RALGDS: variants seen among roughly 807,000 people sequenced by gnomAD.
RALGDS encodes ral guanine nucleotide dissociation stimulator.
Under a neutral mutation model 99.8 loss-of-function variants are expected in RALGDS, and 44 were observed. The ratio of observed to expected loss-of-function variants is 0.44; its 90% CI spans 0.35 to 0.57. The LOEUF (loss-of-function observed/expected upper bound fraction) is 0.57, where lower values mean the gene tolerates loss of function less well. RALGDS is among the 20% of genes least tolerant of loss of function. The probability of loss-of-function intolerance (pLI) is 0.01; values close to 1 mark genes in which losing one functional copy is unlikely to be tolerated. For synonymous variants in RALGDS, 529 were observed against 505.0 expected (o/e 1.05, Z -0.64); for missense variants, 1,022 against 1,203.1 (o/e 0.85, Z 2.23).
rs1412163542 is a variant in RALGDS at position 133,102,393 on chromosome 9, C to T, written c.2009+83G>A. The T allele has an allele frequency of 6.1e-6, 9 of 1,463,766 alleles. No individual in the cohort carries two copies. In the East Asian group the frequency reaches 2.0e-4, roughly 33 times the overall value. The allele number at this position is 1,463,766 out of a possible 1,614,324, so 90.7% of individuals were successfully genotyped here. On this transcript the variant is annotated intron_variant, in intron 14 of 17. Coordinates refer to ENST00000372050, the MANE Select transcript of RALGDS (RefSeq NM_006266.4). ...AGGGTAGGATTCCAGGGCCAGCCTC[C>T]CTGACTCCCTGAGCCCAGGCTCAGC...
intron 9 of RALGDS, among the ~76,000 whole-genome samples, chr9:133,105,453 G>C (rs918846809): frequency 1.3e-5 from 2 of 152,144 alleles, no homozygotes; most frequent in Admixed American, 6.5e-5. Context: ...TCCCAGGTCT[G>C]GCCACCTGGC....
At chr9:133,132,573 G>C (rs1832354888), upstream of RALGDS, among the ~76,000 whole-genome samples, 2 of 152,176 alleles carry the variant, frequency 1.3e-5, no homozygotes, top group Admixed American at 6.5e-5. Context: ...GTTTCCTACA[G>C]TGTGCGCATG....
rs1439921926 is a variant in RALGDS at position 133,098,473 on chromosome 9, C to G, written c.*114G>C. On this transcript the variant is annotated 3_prime_UTR_variant, in exon 18 of 18. Transcript: ENST00000372050. ...GCAGCGGGAGAGGTTCAGGATGAAACTGGAGTCTGGGGTACCCTGGGCTGG... is the reference window on the plus strand; with the variant it reads ...GCAGCGGGAGAGGTTCAGGATGAAAGTGGAGTCTGGGGTACCCTGGGCTGG... 8.9e-7 allele frequency: 1 copy of G among 1,126,344 alleles called. No homozygotes were observed. The highest frequency in any genetic ancestry group is 1.3e-6 in the Non-Finnish European group (1 of 765,966). 69.8% of individuals were successfully genotyped at this position (1,126,344 alleles called of 1,614,324 possible).
intron 1 of RALGDS, among the ~76,000 whole-genome samples, chr9:133,113,044 G>C (rs1326806915): frequency 6.6e-6 from 1 of 152,204 alleles, no homozygotes; most frequent in Non-Finnish European, 1.5e-5. Flanking sequence ...TGGCAGGCTG[G>C]CCTAGGTCAC....
upstream of RALGDS, among the ~76,000 whole-genome samples, chr9:133,134,065 G>C (rs2519198): frequency 0.31 from 46,781 of 152,096 alleles, 7,840 homozygotes; most frequent in East Asian, 0.54. Context: ...GTGTCCAGCT[G>C]GGGGGACACT....
chr9:133,145,287 A>G (rs1341916260), intron 1 of RALGDS, among the ~76,000 whole-genome samples: 1 of 152,130 alleles, frequency 6.6e-6, no homozygotes, highest in Non-Finnish European at 1.5e-5. Flanking sequence ...CCACGACCAC[A>G]GGACACCTCC....
At chr9:133,137,475 T>C (rs370671621) in intron 1 of RALGDS, among the ~76,000 whole-genome samples, 1 of 152,152 alleles carries the variant, frequency 6.6e-6, no homozygotes, top group African/African-American at 2.4e-5. Context: ...GAAGAGGTGA[T>C]GAGGCTGGAG....
chr9:133,117,866 C>T (rs1274912824), intron 1 of RALGDS, among the ~76,000 whole-genome samples: 1 of 152,232 alleles, frequency 6.6e-6, no homozygotes, highest in Non-Finnish European at 1.5e-5. Context: ...TCAGAGCCTG[C>T]CTGCAGAGGG....
intron 2 of RALGDS, 45 bp from the exon 3 acceptor site, chr9:133,110,534 G>GA: frequency 2.6e-6 from 4 of 1,529,392 alleles, no homozygotes; most frequent in Non-Finnish European, 3.6e-6. Flanking sequence ...GGCAGCACAC[G>GA]AATCTCCTGG....
At chr9:133,136,140 G>A (rs146528132) in intron 1 of RALGDS, among the ~76,000 whole-genome samples, 48 of 152,210 alleles carry the variant, frequency 3.2e-4, no homozygotes, top group African/African-American at 1.1e-3. Flanking sequence ...GATAGACCAG[G>A]GAAAAACACA....
At chr9:133,117,092 C>T (rs117338100) in intron 1 of RALGDS, among the ~76,000 whole-genome samples, 2,118 of 152,312 alleles carry the variant, frequency 0.014, 19 homozygotes, top group Non-Finnish European at 0.023. Flanking sequence ...TGCCAGGTGA[C>T]GCACCCGAGG....
upstream of RALGDS, chr9:133,131,146 G>T: frequency 1.4e-6 from 2 of 1,426,426 alleles, no homozygotes; most frequent in South Asian, 1.5e-5. Flanking sequence ...TCCCAGCCCT[G>T]CTCCTCTGAG....
In RALGDS at chr9:133,107,143, C is replaced by T. The variant is rs768723223; in HGVS notation, c.1355G>A (p.Arg452Gln). ...GGCCCTGTCTGGGGCTTTCGTGCTT[C>T]GGTTCCCGAGGCAGGTGGTGATGAC... is the stretch of plus-strand genomic sequence containing the variant. ...NCVITTCLGN[R>Q]STKAPDRARV... The change falls in exon 7 of 18, where the codon CGA becomes CAA. Residue 452 changes from arginine to glutamine, a missense_variant. Around this residue, in one of 3 missense-constraint regions of RALGDS, gnomAD observed 825 missense variants for 994.5 expected, o/e 0.83. Coordinates refer to ENST00000372050, the MANE Select transcript of RALGDS (RefSeq NM_006266.4). The T allele has an allele frequency of 1.7e-5, 27 of 1,613,708 alleles. No individual in the cohort carries two copies. The highest frequency in any genetic ancestry group is 2.2e-5 in the East Asian group (1 of 44,888).
intron 17 of RALGDS, chr9:133,099,627 CAT>C (rs1830657165): frequency 6.6e-6 from 1 of 151,734 alleles, no homozygotes; most frequent in Non-Finnish European, 1.5e-5. Context: ...CATATACATG[CAT>C]ATATATACAC....
At chr9:133,109,503 A>G (rs964635715) in intron 4 of RALGDS, 123 bp downstream of exon 4, 8 of 902,262 alleles carry the variant, frequency 8.9e-6, no homozygotes, top group Non-Finnish European at 1.5e-5. Context: ...TCTAGCAGGA[A>G]CCACAAGAGG....
intron 1 of RALGDS, among the ~76,000 whole-genome samples, chr9:133,138,098 C>G (rs1386511882): frequency 6.6e-6 from 1 of 152,232 alleles, no homozygotes; most frequent in Non-Finnish European, 1.5e-5. Context: ...GGAAGTGGGG[C>G]TACTGTTTCC....
rs184232044 is a variant in RALGDS, at chr9:133,136,252, G to T, written c.18+12711C>A. 1.4e-3 allele frequency among the ~76,000 whole-genome samples: 212 copies of T among 152,378 alleles called. 1 individual carries two copies. The highest frequency in any genetic ancestry group is 4.7e-3 in the African/African-American group (197 of 41,588). ...AAAACAGAACAGGGAAGGCTGATGG[G>T]GCCCATGGGGCAGGAGCAGGTGCTA... On this transcript the variant is annotated intron_variant, in intron 1 of 17. Transcript: ENST00000393160.
At position 133,110,338 on chromosome 9, in the gene RALGDS, G is replaced by A. The variant is rs1831282490; in HGVS notation, c.446C>T (p.Ala149Val). The change falls in exon 3 of 18, where the codon GCC (alanine) becomes GTC (valine). Residue 149 changes from alanine to valine, a missense_variant. Ala to Val is a moderately conservative substitution (Grantham distance 64). Transcript: ENST00000372050. ...YVTIFLCTYR[A>V]FTTTQQVLDL... ...CAGGACCTGTTGGGTGGTGGTGAAGGCTCTATAGGTACACAGGAAGATGGT... is the reference window on the plus strand; with the variant it reads ...CAGGACCTGTTGGGTGGTGGTGAAGACTCTATAGGTACACAGGAAGATGGT... The A allele has an allele frequency of 6.2e-7, 1 of 1,613,922 alleles. No individual in the cohort carries two copies. The highest frequency in any genetic ancestry group is 8.5e-7 in the Non-Finnish European group (1 of 1,180,000).
In RALGDS at chr9:133,108,059, T is replaced by G. The variant is rs1831157284; in HGVS notation, c.1126A>C (p.Ser376Arg). The G allele has an allele frequency of 6.2e-7, 1 of 1,613,644 alleles. No individual in the cohort carries two copies. The highest frequency in any genetic ancestry group is 8.5e-7 in the Non-Finnish European group (1 of 1,180,034). ...ACCAAGAGGTGAGGCTTCTCCTCAC[T>G]CAGCCCGTTCTCTGCAACCACAGGT... ...PSPVVAENGLSEEKPHLLVFP... is the reference protein window; with the variant it reads ...PSPVVAENGLREEKPHLLVFP... The change falls in exon 6 of 18, where the codon AGT becomes CGT. Residue 376 changes from serine (S) to arginine (R), a missense_variant. By Grantham distance (110) the Ser-to-Arg change is moderately radical. Coordinates refer to ENST00000372050, the MANE Select transcript of RALGDS (RefSeq NM_006266.4).
Sources: gnomAD v4.1 joint callset for allele counts (sites outside exome capture counted in the v4.1 genomes callset) on GRCh38, gnomAD v4.1.1 for gene constraint, gnomAD v4.1.1 regional missense constraint, MANE v1.5 for transcripts, NCBI Gene and HGNC (gene_info 2026-07-23, HGNC 2026-07-21) for gene names.